TBC1D9: variants seen among roughly 807,000 people sequenced by gnomAD.
The protein encoded by TBC1D9 is TBC1 domain family member 9A.
In TBC1D9, 63 loss-of-function variants were observed where a neutral mutation model predicts 132.0. The observed-to-expected ratio is 0.48, with a 90% CI of 0.39 to 0.59. The LOEUF (loss-of-function observed/expected upper bound fraction) is 0.59. Ranked by LOEUF, TBC1D9 falls within the 20% of genes least tolerant of loss-of-function variation. TBC1D9 has a pLI of 0.00. For synonymous variants in TBC1D9, 610 were observed against 609.9 expected (o/e 1.00, Z 0.00); for missense variants, 1,261 against 1,592.7 (o/e 0.79, Z 3.54).
chr4:140,623,540 G>A (rs1348130528), intron 20 of TBC1D9, among the ~76,000 whole-genome samples: 3 of 151,952 alleles, frequency 2.0e-5, no homozygotes, highest in Non-Finnish European at 2.9e-5. Context: ...AAGGAAATCC[G>A]AGACTCATCT....
intron 13 of TBC1D9, among the ~76,000 whole-genome samples, chr4:140,640,124 G>A (rs1416824264): frequency 6.6e-6 from 1 of 152,158 alleles, no homozygotes; most frequent in Non-Finnish European, 1.5e-5. Context: ...AAGTATCTGA[G>A]ACAGGTCTCA....
intron 1 of TBC1D9, among the ~76,000 whole-genome samples, chr4:140,730,039 C>T (rs887861965): frequency 2.6e-5 from 4 of 152,108 alleles, no homozygotes; most frequent in Non-Finnish European, 5.9e-5. Flanking sequence ...TATGCCTTCC[C>T]CCGTATAGAC....
chr4:140,624,737 T>C (rs1285157213), intron 18 of TBC1D9, among the ~76,000 whole-genome samples: 3 of 152,178 alleles, frequency 2.0e-5, no homozygotes, highest in Non-Finnish European at 4.4e-5. Context: ...TTCTCACAGC[T>C]GGGGTTCAGT....
At chr4:140,637,872 G>C (rs732611) in intron 15 of TBC1D9, among the ~76,000 whole-genome samples, 1 of 152,064 alleles carries the variant, frequency 6.6e-6, no homozygotes, top group South Asian at 2.1e-4. Flanking sequence ...CGGTTTCCTC[G>C]TCAGAAAAAT....
intron 1 of TBC1D9, among the ~76,000 whole-genome samples, chr4:140,723,719 C>T (rs752855548): frequency 2.3e-4 from 35 of 151,928 alleles, no homozygotes; most frequent in Non-Finnish European, 4.6e-4. Context: ...ACATATAAGC[C>T]CCACAAACTG....
At chr4:140,739,118 T>A (rs902069265) in intron 1 of TBC1D9, among the ~76,000 whole-genome samples, 2 of 151,678 alleles carry the variant, frequency 1.3e-5, no homozygotes, top group African/African-American at 4.9e-5. Context: ...TGCCTCAGCC[T>A]CCCAAGTTGC....
chr4:140,659,621 T>C lies in TBC1D9; in HGVS notation c.1888A>G (p.Met630Val), dbSNP rs190961768. ...CTGGTGTTGTAGTAATCTGGGAGCA[T>C]GCGCTCACACAAAGCCACAAGCAGC... Reference protein sequence around the residue: ...FWLLVALCERMLPDYYNTRVV... With the variant: ...FWLLVALCERVLPDYYNTRVV... The change falls in exon 11 of 21, where the codon ATG (methionine) becomes GTG (valine). Residue 630 changes from methionine (M) to valine (V), a missense_variant. By Grantham distance (21) the Met-to-Val change is conservative. Coordinates refer to ENST00000442267, the MANE Select transcript of TBC1D9 (RefSeq NM_015130.3). 3 of 1,604,316 alleles carry C rather than the reference T, an allele frequency of 1.9e-6. No individual in the cohort carries two copies. The highest frequency in any genetic ancestry group is 1.7e-5 in the Admixed American group (1 of 58,688).
chr4:140,722,267 GA>G (rs1383841866), intron 1 of TBC1D9, among the ~76,000 whole-genome samples: 1 of 151,864 alleles, frequency 6.6e-6, no homozygotes, highest in East Asian at 1.9e-4. Context: ...ATTAATGAAA[GA>G]GGGGGAAAAA....
At chr4:140,643,351 T>C in intron 13 of TBC1D9, 2 of 1,326,916 alleles carry the variant, frequency 1.5e-6, no homozygotes, top group Non-Finnish European at 2.1e-6. Context: ...TGGACTCCAG[T>C]AGCACCTGGG....
At chr4:140,641,466 T>G (rs1736992968) in intron 13 of TBC1D9, among the ~76,000 whole-genome samples, 1 of 152,216 alleles carries the variant, frequency 6.6e-6, no homozygotes, top group Non-Finnish European at 1.5e-5. Flanking sequence ...TAAAGTTTGG[T>G]ATTATCAAAA....
chr4:140,666,306 C>T (rs1737442844), intron 9 of TBC1D9, among the ~76,000 whole-genome samples: 1 of 152,100 alleles, frequency 6.6e-6, no homozygotes, highest in Non-Finnish European at 1.5e-5. Context: ...GGGAATGGAA[C>T]TACCAGTCTG....
intron 2 of TBC1D9, among the ~76,000 whole-genome samples, chr4:140,697,774 G>A (rs528076910): frequency 3.7e-4 from 57 of 152,356 alleles, no homozygotes; most frequent in Middle Eastern, 3.4e-3. Context: ...ACGTCAGGCA[G>A]TGACATTATA....
At chr4:140,701,734 C>T (rs1020419418) in intron 1 of TBC1D9, 120 bp from the exon 2 acceptor site, 4 of 706,356 alleles carry the variant, frequency 5.7e-6, no homozygotes, top group South Asian at 1.9e-5. Context: ...TCCCACTGAA[C>T]CACACCTTGA....
intron 1 of TBC1D9, among the ~76,000 whole-genome samples, chr4:140,739,033 A>G (rs1738718794): frequency 6.6e-6 from 1 of 152,132 alleles, no homozygotes; most frequent in Admixed American, 6.5e-5. Flanking sequence ...GCTTTTTGAG[A>G]TGGAGTTTCG....
At chr4:140,624,476 T>C in intron 18 of TBC1D9, 88 bp from the exon 19 acceptor site, 1 of 1,171,710 alleles carries the variant, frequency 8.5e-7, no homozygotes, top group South Asian at 1.4e-5. Context: ...TAGAAGACTC[T>C]CTAAGTAGGG....
intron 13 of TBC1D9, among the ~76,000 whole-genome samples, chr4:140,656,393 T>TATA (rs1355297100): frequency 6.6e-6 from 1 of 152,132 alleles, no homozygotes; most frequent in Non-Finnish European, 1.5e-5. Flanking sequence ...ACAGATAAGC[T>TATA]ATAAGTCTGC....
chr4:140,658,775 T>C (rs2110998117), intron 11 of TBC1D9, among the ~76,000 whole-genome samples: 2 of 151,518 alleles, frequency 1.3e-5, no homozygotes, highest in South Asian at 4.2e-4. Flanking sequence ...CACGCCACTG[T>C]ACTCCAACCT....
chr4:140,674,730 G>A (rs1017437948), intron 6 of TBC1D9, among the ~76,000 whole-genome samples: 2 of 150,868 alleles, frequency 1.3e-5, no homozygotes, highest in Admixed American at 6.6e-5. Context: ...ATAAGGTCTT[G>A]CTCTGTCACC....
At chr4:140,650,894 C>T (rs1737178294) in intron 13 of TBC1D9, among the ~76,000 whole-genome samples, 1 of 152,126 alleles carries the variant, frequency 6.6e-6, no homozygotes, top group Admixed American at 6.5e-5. Flanking sequence ...AGGAGACATG[C>T]TTTTGACACC....
Sources: allele counts gnomAD v4.1 joint callset (sites outside exome capture counted in the v4.1 genomes callset), GRCh38; gene constraint gnomAD v4.1.1; transcripts MANE v1.5; gene names NCBI Gene and HGNC (gene_info 2026-07-23, HGNC 2026-07-21).